Variants in NRG1 observed in about 807,000 individuals in gnomAD.
NRG1 encodes pro-neuregulin-1, membrane-bound isoform.
NRG1 carries 18 observed loss-of-function variants against 63.8 expected under a neutral mutation model. The observed-to-expected ratio is 0.28, with a 90% confidence interval of 0.19 to 0.42. NRG1 has a LOEUF of 0.42. Ranked by LOEUF, NRG1 falls within the 10% of genes least tolerant of loss-of-function variation. NRG1 has a pLI of 1.00. For synonymous variants in NRG1, 302 were observed against 301.3 expected (o/e 1.00, Z -0.02); for missense variants, 762 against 814.7 (o/e 0.94, Z 0.79).
At chr8:31,648,251 A>C (rs1585386780) in intron 1 of NRG1, among the ~76,000 whole-genome samples, 1 of 144,624 alleles carries the variant, frequency 6.9e-6, no homozygotes, top group Admixed American at 7.4e-5. Context: ...CTCCTGCCTC[A>C]GCCTCCCGTG....
chr8:32,340,631 T>C (rs1036078927), intron 1 of NRG1, among the ~76,000 whole-genome samples: 1 of 152,224 alleles, frequency 6.6e-6, no homozygotes, highest in East Asian at 1.9e-4. Flanking sequence ...TTTCTTTTAA[T>C]ACTCATTTCA....
Position 32,725,211 on chromosome 8 carries a change from C to T in NRG1, c.503-2738C>T, listed in dbSNP as rs148913977. Among the ~76,000 whole-genome samples, 102 of 152,156 alleles carry T rather than the reference C, an allele frequency of 6.7e-4. 2 individuals are homozygous for T. In the East Asian group the frequency reaches 0.019, roughly 28 times the overall value. The stretch of plus-strand genomic sequence containing the variant: ...GGCATTTGTCCTGAGAGAGCTCATG[C>T]AGTGTTTGCTGTTCAGGTTGCATGA... On this transcript the variant is annotated intron_variant, in intron 5 of 11. Coordinates refer to ENST00000356819, the Ensembl canonical transcript of NRG1.
chr8:31,771,044 C>G (rs1029872310), intron 1 of NRG1, among the ~76,000 whole-genome samples: 1 of 152,060 alleles, frequency 6.6e-6, no homozygotes, highest in South Asian at 2.1e-4. Context: ...GCATATGGTT[C>G]ACTGAAACTT....
At chr8:31,761,401 A>G (rs1374808371) in intron 1 of NRG1, among the ~76,000 whole-genome samples, 1 of 152,172 alleles carries the variant, frequency 6.6e-6, no homozygotes, top group Non-Finnish European at 1.5e-5. Flanking sequence ...ATGTATACAT[A>G]CGTAACTAAC....
chr8:32,764,103 G>C, exon 12 of NRG1: 1 of 1,614,024 alleles, frequency 6.2e-7, no homozygotes, highest in Non-Finnish European at 8.5e-7. Flanking sequence ...TAAGAAACTC[G>C]CCAATAGCCG....
upstream of NRG1, among the ~76,000 whole-genome samples, chr8:32,547,831 C>G (rs1168159932): frequency 3.9e-5 from 6 of 152,206 alleles, no homozygotes; most frequent in Non-Finnish European, 8.8e-5. Flanking sequence ...ACGTTCCCCC[C>G]GCACCCCTCC....
At chr8:32,278,214 G>A (rs1028743412) in intron 1 of NRG1, among the ~76,000 whole-genome samples, 14 of 152,046 alleles carry the variant, frequency 9.2e-5, no homozygotes, top group African/African-American at 3.1e-4. Context: ...GGAAGAAAAC[G>A]TTCTGATACA....
At chr8:31,948,303 T>G (rs1802939271) in intron 1 of NRG1, among the ~76,000 whole-genome samples, 1 of 152,190 alleles carries the variant, frequency 6.6e-6, no homozygotes, top group Non-Finnish European at 1.5e-5. Flanking sequence ...GCTCAACAAC[T>G]CTGACATCCA....
chr8:32,426,352 A>G (rs1319086126), intron 1 of NRG1, among the ~76,000 whole-genome samples: 4 of 152,232 alleles, frequency 2.6e-5, no homozygotes, highest in African/African-American at 2.4e-5. Flanking sequence ...TGTATATGCC[A>G]TAAAAAATCT....
intron 1 of NRG1, among the ~76,000 whole-genome samples, chr8:31,680,331 C>A (rs1270546004): frequency 6.8e-6 from 1 of 146,470 alleles, no homozygotes; most frequent in Admixed American, 6.9e-5. Context: ...GTGATGTTCC[C>A]CTTCCTGTGT....
At chr8:31,793,115 C>T (rs1171154977) in intron 1 of NRG1, among the ~76,000 whole-genome samples, 2 of 152,154 alleles carry the variant, frequency 1.3e-5, no homozygotes, top group African/African-American at 2.4e-5. Flanking sequence ...ATTATTCCAG[C>T]TATGTTATAA....
At chr8:32,649,719 A>C (rs1209074111) in intron 5 of NRG1, among the ~76,000 whole-genome samples, 1 of 152,214 alleles carries the variant, frequency 6.6e-6, no homozygotes, top group Non-Finnish European at 1.5e-5. Flanking sequence ...TAAAGAAAAA[A>C]AAAGTCTTGT....
intron 1 of NRG1, among the ~76,000 whole-genome samples, chr8:32,414,447 T>C (rs1815572941): frequency 6.6e-6 from 1 of 152,204 alleles, no homozygotes; most frequent in African/African-American, 2.4e-5. Flanking sequence ...AACACTAATT[T>C]TGCAAAATAA....
intron 1 of NRG1, among the ~76,000 whole-genome samples, chr8:32,007,453 ACT>A (rs915067634): frequency 6.6e-5 from 10 of 151,974 alleles, no homozygotes; most frequent in Non-Finnish European, 1.3e-4. Flanking sequence ...TTATGGTAAG[ACT>A]CTCTCTAATA....
chr8:31,813,335 A>T (rs1328991566), intron 1 of NRG1, among the ~76,000 whole-genome samples: 1 of 152,130 alleles, frequency 6.6e-6, no homozygotes, highest in Non-Finnish European at 1.5e-5. Flanking sequence ...TGGTGCAGGC[A>T]TGCACTACAT....
intron 1 of NRG1, among the ~76,000 whole-genome samples, chr8:32,208,047 A>AT (rs1200970480): frequency 6.6e-6 from 1 of 152,190 alleles, no homozygotes; most frequent in Non-Finnish European, 1.5e-5. Flanking sequence ...ACAAAGGTTA[A>AT]TGCACGAGAA....
At chr8:31,799,767 CAT>C (rs567479229) in intron 1 of NRG1, among the ~76,000 whole-genome samples, 7 of 151,944 alleles carry the variant, frequency 4.6e-5, no homozygotes, top group Non-Finnish European at 8.8e-5. Flanking sequence ...CGTATGCATA[CAT>C]ATATATGTTT....
At chr8:31,645,126 T>C (rs1304681371) in intron 1 of NRG1, among the ~76,000 whole-genome samples, 1 of 152,176 alleles carries the variant, frequency 6.6e-6, no homozygotes, top group African/African-American at 2.4e-5. Context: ...TACTCTAAAT[T>C]TGTGCATACA....
At chr8:31,701,543 A>T (rs11776163) in intron 1 of NRG1, among the ~76,000 whole-genome samples, 33,046 of 152,048 alleles carry the variant, frequency 0.22, 3,972 homozygotes, top group Non-Finnish European at 0.25. Flanking sequence ...AAGTTCAAGC[A>T]GAACCCGAGG....
Sources: allele counts gnomAD v4.1 joint callset (sites outside exome capture counted in the v4.1 genomes callset), GRCh38; gene constraint gnomAD v4.1.1; transcripts MANE v1.5; gene names NCBI Gene and HGNC (gene_info 2026-07-23, HGNC 2026-07-21).